Variants in SKAP1 observed in about 807,000 individuals in gnomAD.
The protein encoded by SKAP1 is src kinase-associated phosphoprotein 1.
Under a neutral mutation model 58.5 loss-of-function variants are expected in SKAP1, and 44 were observed. That is an observed-to-expected ratio of 0.75 (90% confidence interval 0.59 to 0.97). The LOEUF (loss-of-function observed/expected upper bound fraction) is 0.97, where lower values mean the gene tolerates loss of function less well. SKAP1 is among the 50% of genes least tolerant of loss of function. The probability of loss-of-function intolerance (pLI) is 0.00; values close to 1 mark genes in which losing one functional copy is unlikely to be tolerated. For synonymous variants in SKAP1, 127 were observed against 149.7 expected (o/e 0.85, Z 1.11); for missense variants, 390 against 435.2 (o/e 0.90, Z 0.92).
intron 4 of SKAP1, among the ~76,000 whole-genome samples, chr17:48,281,372 A>C (rs968174586): frequency 2.0e-5 from 3 of 151,968 alleles, no homozygotes; most frequent in Non-Finnish European, 4.4e-5. Context: ...CCAATAAGAA[A>C]CCATGAAGCT....
At chr17:48,173,290 C>T (rs1252637335) in intron 9 of SKAP1, among the ~76,000 whole-genome samples, 1 of 152,078 alleles carries the variant, frequency 6.6e-6, no homozygotes, top group African/African-American at 2.4e-5. Flanking sequence ...TTCTTATAGC[C>T]ATGTATGATC....
chr17:48,407,615 T>A lies in SKAP1; in HGVS notation c.47-10830A>T, dbSNP rs1598668267. Among the ~76,000 whole-genome samples the A allele has an allele frequency of 2.0e-5, 3 of 152,086 alleles. No homozygotes were observed. The East Asian group carries it at 5.8e-4, about 29-fold the overall frequency. Reference sequence around the variant, plus strand: ...GGCTCACGCCTGTAATCCCAACACTTTAGGAGGCCCAGGCAGGCAAACTGC... The same window carrying A: ...GGCTCACGCCTGTAATCCCAACACTATAGGAGGCCCAGGCAGGCAAACTGC... On this transcript the variant is annotated intron_variant, in intron 1 of 12. Coordinates refer to ENST00000336915, the MANE Select transcript of SKAP1 (RefSeq NM_003726.4).
intron 12 of SKAP1, 108 bp downstream of exon 12, chr17:48,137,121 A>G: frequency 3.1e-6 from 2 of 640,662 alleles, no homozygotes; most frequent in Non-Finnish European, 5.5e-6. Flanking sequence ...AGTATGAGAA[A>G]TGAAGAAAAG....
intron 4 of SKAP1, among the ~76,000 whole-genome samples, chr17:48,296,936 A>C (rs894594195): frequency 1.3e-5 from 2 of 151,882 alleles, no homozygotes; most frequent in African/African-American, 4.8e-5. Context: ...AACCTCTCTT[A>C]GACTGTCCTG....
At chr17:48,173,005 G>T (rs570540997) in intron 9 of SKAP1, among the ~76,000 whole-genome samples, 7 of 151,838 alleles carry the variant, frequency 4.6e-5, no homozygotes, top group Non-Finnish European at 8.8e-5. Flanking sequence ...GCAAGACCCT[G>T]TCTCTATAAA....
At chr17:48,394,391 A>C (rs1240757805) in intron 2 of SKAP1, among the ~76,000 whole-genome samples, 4 of 151,452 alleles carry the variant, frequency 2.6e-5, no homozygotes, top group African/African-American at 9.7e-5. Flanking sequence ...GCCCAGGCTG[A>C]AGTGCAATGT....
intron 1 of SKAP1, among the ~76,000 whole-genome samples, chr17:48,417,564 A>G (rs1253949839): frequency 6.6e-6 from 1 of 152,048 alleles, no homozygotes; most frequent in African/African-American, 2.4e-5. Flanking sequence ...GGGCAACATG[A>G]TGAAACCCTG....
chr17:48,140,820 C>T (rs1191499278), intron 11 of SKAP1, among the ~76,000 whole-genome samples: 3 of 150,730 alleles, frequency 2.0e-5, no homozygotes, highest in African/African-American at 7.3e-5. Flanking sequence ...TCTCTGTTAC[C>T]CAGGCTGCAG....
intron 4 of SKAP1, among the ~76,000 whole-genome samples, chr17:48,333,690 A>G (rs544939371): frequency 1.3e-5 from 2 of 152,214 alleles, no homozygotes; most frequent in African/African-American, 4.8e-5. Context: ...TTACATTAAA[A>G]TTTAAAATTT....
Position 48,338,583 on chromosome 17 carries a change from G to T in SKAP1, c.280+7322C>A, listed in dbSNP as rs371798798. Among the ~76,000 whole-genome samples the T allele has an allele frequency of 1.4e-4, 22 of 152,122 alleles. No homozygotes were observed. In the South Asian group the frequency reaches 4.6e-3, roughly 32 times the overall value. ...TAACCCAAATGTATGGGTTAAATTC[G>T]CAAGGAGTTTGTTTTAGTGAAAGAA... On this transcript the variant is annotated intron_variant, in intron 4 of 12. Coordinates refer to ENST00000336915, the MANE Select transcript of SKAP1 (RefSeq NM_003726.4).
intron 6 of SKAP1, among the ~76,000 whole-genome samples, chr17:48,186,763 C>T (rs1306157723): frequency 6.6e-6 from 1 of 152,184 alleles, no homozygotes; most frequent in Non-Finnish European, 1.5e-5. Flanking sequence ...AGCCACTGTG[C>T]CTGGCCCAAA....
chr17:48,299,570 ATG>A (rs34889554), intron 4 of SKAP1, among the ~76,000 whole-genome samples: 4 of 151,286 alleles, frequency 2.6e-5, no homozygotes, highest in Admixed American at 6.6e-5. Context: ...ATATATATGT[ATG>A]TGTGTGTGTG....
intron 4 of SKAP1, among the ~76,000 whole-genome samples, chr17:48,247,960 T>C (rs2065315490): frequency 6.6e-6 from 1 of 152,248 alleles, no homozygotes; most frequent in Non-Finnish European, 1.5e-5. Context: ...CCCAGTAGAA[T>C]GTAAAACTCC....
intron 4 of SKAP1, among the ~76,000 whole-genome samples, chr17:48,264,745 AACACACAC>A (rs55733017): frequency 0.026 from 3,685 of 142,836 alleles, 168 homozygotes; most frequent in African/African-American, 0.091. Flanking sequence ...AAATCTACAA[AACACACAC>A]ACACACACAC....
intron 4 of SKAP1, among the ~76,000 whole-genome samples, chr17:48,267,050 T>C (rs1231257412): frequency 2.6e-5 from 4 of 152,162 alleles, no homozygotes; most frequent in African/African-American, 9.7e-5. Flanking sequence ...CATTTTATCA[T>C]GAAAAAAATG....
intron 4 of SKAP1, among the ~76,000 whole-genome samples, chr17:48,335,416 G>A (rs547440948): frequency 6.6e-6 from 1 of 151,832 alleles, no homozygotes; most frequent in East Asian, 1.9e-4. Context: ...AAGGCAGAAG[G>A]GTTACTTTTA....
chr17:48,209,249 T>C lies in SKAP1; in HGVS notation c.281-19749A>G, dbSNP rs375868354. On this transcript the variant is annotated intron_variant, in intron 4 of 12. Coordinates refer to ENST00000336915, the MANE Select transcript of SKAP1 (RefSeq NM_003726.4). ...TACACAAAGAATACAGTCCTTATTA[T>C]AGAAACATTATTATACATTTATGTG... 6.6e-5 allele frequency among the ~76,000 whole-genome samples: 10 copies of C among 152,338 alleles called. No homozygotes were observed. The South Asian group carries it at 1.0e-3, about 16-fold the overall frequency.
chr17:48,340,382 A>G (rs940905537), intron 4 of SKAP1, among the ~76,000 whole-genome samples: 1 of 152,118 alleles, frequency 6.6e-6, no homozygotes, highest in Non-Finnish European at 1.5e-5. Context: ...AAAAAAATGA[A>G]TATATCTACA....
At chr17:48,405,863 C>T (rs1004965438) in intron 1 of SKAP1, among the ~76,000 whole-genome samples, 1 of 152,034 alleles carries the variant, frequency 6.6e-6, no homozygotes, top group Non-Finnish European at 1.5e-5. Flanking sequence ...TTAATAGCCA[C>T]AGACAGAGAA....
Sources: allele counts gnomAD v4.1 joint callset (sites outside exome capture counted in the v4.1 genomes callset), GRCh38; gene constraint gnomAD v4.1.1; transcripts MANE v1.5; gene names NCBI Gene and HGNC (gene_info 2026-07-23, HGNC 2026-07-21).